PARP1: variants seen among roughly 807,000 people sequenced by gnomAD.
The protein encoded by PARP1 is poly(ADP-ribose) polymerase 1.
Under a neutral mutation model 118.7 loss-of-function variants are expected in PARP1, and 44 were observed. The ratio of observed to expected loss-of-function variants is 0.37; its 90% CI spans 0.29 to 0.48. PARP1 has a LOEUF of 0.48. Among genes scored for constraint, PARP1 ranks in the 20% least tolerant of loss-of-function variants. The pLI is 0.99. For synonymous variants in PARP1, 492 were observed against 483.2 expected (o/e 1.02, Z -0.24); for missense variants, 1,100 against 1,272.4 (o/e 0.86, Z 2.06).
intron 13 of PARP1, 68 bp downstream of exon 13, chr1:226,377,040 G>T: frequency 7.3e-7 from 1 of 1,376,294 alleles, no homozygotes; most frequent in Non-Finnish European, 1.0e-6. Flanking sequence ...CCACGATGTG[G>T]ATTTTCTAGA....
rs544073904 is a variant in PARP1, at chr1:226,370,352, GTTAC to G, written c.2154+78_2154+81del. The G allele has an allele frequency of 4.4e-4, 431 of 989,376 alleles. 2 individuals carry two copies. In the African/African-American group the frequency reaches 6.5e-3, roughly 15 times the overall value. 61.3% of individuals were successfully genotyped at this position (989,376 alleles called of 1,614,324 possible). A position where few individuals can be genotyped will look rare whatever the true frequency, so the allele number is the denominator to read the frequency against. On this transcript the variant is annotated intron_variant, in intron 15 of 22. Coordinates refer to ENST00000366794, the MANE Select transcript of PARP1 (RefSeq NM_001618.4). ...TCCAGTTTCTTAACCTTGAGTAAAT[GTTAC>G]CCCTGCCACCCCCAGGTCTCACCCC...
chr1:226,374,540 G>C (rs1205580519), intron 13 of PARP1, among the ~76,000 whole-genome samples, 186 bp from the exon 14 acceptor site: 6 of 152,198 alleles, frequency 3.9e-5, no homozygotes, highest in African/African-American at 1.4e-4. Context: ...CTGCACATGG[G>C]TCAGACTCTT....
At position 226,381,220 on chromosome 1, in the gene PARP1, G is replaced by GGAGAGAATT; in HGVS notation, c.1160-13_1160-12insAATTCTCTC. Reference sequence around the variant, plus strand: ...GGATAATGGCTTATCTGGGATGAAAGGAGAGAATCATTCAGCAAGGCCAGC... The same window carrying GGAGAGAATT: ...GGATAATGGCTTATCTGGGATGAAAGGAGAGAATTGAGAGAATCATTCAGCAAGGCCAGC... On this transcript the variant is annotated splice_polypyrimidine_tract_variant and intron_variant, in intron 8 of 22. Coordinates refer to ENST00000366794, the MANE Select transcript of PARP1 (RefSeq NM_001618.4). 1 of 1,614,198 alleles carries GGAGAGAATT rather than the reference G, an allele frequency of 6.2e-7. No homozygotes were observed. Among genetic ancestry groups the GGAGAGAATT allele is most frequent in the East Asian group, 2.2e-5 (1 of 44,882 alleles).
At chr1:226,387,668 C>T (rs1433452493) in intron 5 of PARP1, among the ~76,000 whole-genome samples, 1 of 152,122 alleles carries the variant, frequency 6.6e-6, no homozygotes, top group Admixed American at 6.5e-5. Flanking sequence ...GGAAGAAGTA[C>T]AACAATGTCA....
At chr1:226,368,808 G>A (rs1188372888) in intron 15 of PARP1, among the ~76,000 whole-genome samples, 2 of 152,214 alleles carry the variant, frequency 1.3e-5, no homozygotes, top group Non-Finnish European at 2.9e-5. Context: ...AGGTTGAGGT[G>A]GCCAGGCACA....
At position 226,397,335 on chromosome 1, in the gene PARP1, T is replaced by C. The variant is rs567963649; in HGVS notation, c.286+4879A>G. On this transcript the variant is annotated intron_variant, in intron 2 of 22. Coordinates refer to ENST00000366794, the MANE Select transcript of PARP1 (RefSeq NM_001618.4). ...GAGCTGTCCTCTGTTAAATCTGACATACTCACCCTCTGAACCCTTTCTTGG... is the reference window on the plus strand; with the variant it reads ...GAGCTGTCCTCTGTTAAATCTGACACACTCACCCTCTGAACCCTTTCTTGG... Among the ~76,000 whole-genome samples, 4 of 152,154 alleles carry C rather than the reference T, an allele frequency of 2.6e-5. No homozygotes were observed. The East Asian group carries it at 5.8e-4, about 22-fold the overall frequency.
chr1:226,373,258 G>T (rs1664425421), intron 14 of PARP1, among the ~76,000 whole-genome samples: 3 of 152,172 alleles, frequency 2.0e-5, no homozygotes, highest in African/African-American at 7.2e-5. Flanking sequence ...CATGGAGAAG[G>T]GTGGAATGCT....
At chr1:226,399,911 A>G (rs1664996142) in intron 2 of PARP1, among the ~76,000 whole-genome samples, 1 of 152,200 alleles carries the variant, frequency 6.6e-6, no homozygotes, top group Non-Finnish European at 1.5e-5. Context: ...CTACATACAG[A>G]AGAATGTCAT....
At chr1:226,403,241 C>T (rs1030535399) in intron 1 of PARP1, among the ~76,000 whole-genome samples, 6 of 152,168 alleles carry the variant, frequency 3.9e-5, no homozygotes, top group Admixed American at 3.9e-4. Flanking sequence ...TGCAGTGGTG[C>T]GATCTCAGCT....
intron 4 of PARP1, among the ~76,000 whole-genome samples, chr1:226,388,997 G>A (rs1331120361): frequency 6.6e-6 from 1 of 152,024 alleles, no homozygotes; most frequent in East Asian, 1.9e-4. Flanking sequence ...TCCCAGCCAG[G>A]GAGAGGGGCT....
intron 2 of PARP1, among the ~76,000 whole-genome samples, chr1:226,397,201 G>C (rs1230295363): frequency 6.7e-6 from 1 of 150,286 alleles, no homozygotes; most frequent in Admixed American, 6.6e-5. Context: ...GGCAACTGTA[G>C]TCCTAGCTTC....
intron 3 of PARP1, 116 bp from the exon 4 acceptor site, chr1:226,390,740 C>T (rs541497826): frequency 9.9e-6 from 9 of 912,686 alleles, no homozygotes; most frequent in Non-Finnish European, 1.4e-5. Context: ...AAGGCCTGCC[C>T]GCCAACTTGA....
chr1:226,400,754 A>T (rs1665020056), intron 2 of PARP1, among the ~76,000 whole-genome samples: 1 of 152,228 alleles, frequency 6.6e-6, no homozygotes, highest in Admixed American at 6.5e-5. Flanking sequence ...CACAGTCTGG[A>T]AGTGCAGAGA....
intron 7 of PARP1, among the ~76,000 whole-genome samples, chr1:226,384,718 T>C (rs1664683789): frequency 6.6e-6 from 1 of 152,194 alleles, no homozygotes; most frequent in African/African-American, 2.4e-5. Context: ...GGAGGGATCA[T>C]GCAATCATGG....
At position 226,408,077 on chromosome 1, in the gene PARP1, T is replaced by G; in HGVS notation, c.-148A>C. The G allele has an allele frequency of 3.5e-6, 4 of 1,151,102 alleles. No individual in the cohort carries two copies. Among genetic ancestry groups the G allele is most frequent in the Non-Finnish European group, 2.5e-6 (2 of 801,214 alleles). The allele number at this position is 1,151,102 out of a possible 1,614,324, so 71.3% of individuals were successfully genotyped here. On this transcript the variant is annotated 5_prime_UTR_variant, in exon 1 of 23. Transcript: ENST00000366794. ...GAACACGCCGCACCGGCCACCGCCG[T>G]TCCCTGATAGATTGCTGATGCCTGG...
chr1:226,393,092 C>T (rs1316062695), intron 2 of PARP1: 9 of 1,018,902 alleles, frequency 8.8e-6, no homozygotes, highest in Non-Finnish European at 1.2e-5. Context: ...TAAGAGATAT[C>T]TTAAGAAATC....
At chr1:226,390,664 G>A in intron 3 of PARP1, 40 bp from the exon 4 acceptor site, 1 of 1,579,020 alleles carries the variant, frequency 6.3e-7, no homozygotes, top group Non-Finnish European at 8.7e-7. Context: ...GGAGCGACAA[G>A]CAAGGATAGT....
Position 226,369,172 on chromosome 1 carries a change from G to A in PARP1, c.2155-851C>T, listed in dbSNP as rs566021926. Among the ~76,000 whole-genome samples, 9 of 152,348 alleles carry A rather than the reference G, an allele frequency of 5.9e-5. 1 individual carries two copies. In the South Asian group the frequency reaches 1.7e-3, roughly 28 times the overall value. ...GGAAAGCCTTGTAAGTTCTCAGTCAGTAAGGAACAAGGAGAGAGGTTCACT... is the reference window on the plus strand; with the variant it reads ...GGAAAGCCTTGTAAGTTCTCAGTCAATAAGGAACAAGGAGAGAGGTTCACT... On this transcript the variant is annotated intron_variant, in intron 15 of 22. Transcript: ENST00000366794.
In PARP1 at chr1:226,363,953, G is replaced by C; in HGVS notation, c.2776C>G (p.Leu926Val). The C allele has an allele frequency of 6.2e-7, 1 of 1,613,972 alleles. No individual in the cohort carries two copies. Among genetic ancestry groups the C allele is most frequent in the East Asian group, 2.2e-5 (1 of 44,884 alleles). ...GCCAGGTTTACTCACATGTTTCCAA[G>C]GGCAACTTCTCCCAACAGGATTAAG... Reference protein sequence around the residue: ...IGLILLGEVALGNMYELKHAS... With the variant: ...IGLILLGEVAVGNMYELKHAS... The change falls in exon 20 of 23, where the codon CTT becomes GTT. Residue 926 changes from leucine to valine, a missense_variant. This residue lies in a region of PARP1 where 152 missense variants were observed against 240.6 expected (regional missense o/e 0.63). Coordinates refer to ENST00000366794, the MANE Select transcript of PARP1 (RefSeq NM_001618.4).
Sources: allele counts gnomAD v4.1 joint callset (sites outside exome capture counted in the v4.1 genomes callset), GRCh38; gene constraint gnomAD v4.1.1; regional missense constraint gnomAD v4.1.1; transcripts MANE v1.5; gene names NCBI Gene and HGNC (gene_info 2026-07-23, HGNC 2026-07-21).